PFKP: variants seen among roughly 807,000 people sequenced by gnomAD.
PFKP encodes ATP-dependent 6-phosphofructokinase, platelet type.
In PFKP, 101 loss-of-function variants were observed where a neutral mutation model predicts 94.3. The ratio of observed to expected loss-of-function variants is 1.07; its 90% CI spans 0.91 to 1.26. The LOEUF (loss-of-function observed/expected upper bound fraction) is 1.26, where lower values mean the gene tolerates loss of function less well. Among genes scored for constraint, PFKP ranks in the 50% most tolerant of loss-of-function variants. The pLI, the probability that PFKP is intolerant of heterozygous loss-of-function variation, is 0.00. For missense variants in PFKP, 1,145 were observed against 1,103.3 expected, an observed-to-expected ratio of 1.04 and a Z score of -0.53; for synonymous variants, 573 against 432.6, an observed-to-expected ratio of 1.32 and a Z score of -4.03.
At chr10:3,132,677 C>G (rs191626116) in intron 18 of PFKP, among the ~76,000 whole-genome samples, 2 of 152,290 alleles carry the variant, frequency 1.3e-5, no homozygotes, top group Admixed American at 1.3e-4. Flanking sequence ...GCAATCATTT[C>G]CCTAATTAGC....
chr10:3,118,009 G>C (rs953738150), intron 14 of PFKP, among the ~76,000 whole-genome samples: 2 of 152,154 alleles, frequency 1.3e-5, no homozygotes, highest in African/African-American at 4.8e-5. Flanking sequence ...GGATGGGCTT[G>C]GGATGGGATC....
intron 18 of PFKP, 139 bp from the exon 19 acceptor site, chr10:3,133,064 C>G: frequency 1.5e-6 from 1 of 685,992 alleles, no homozygotes. Context: ...AAACCGTGAA[C>G]TGGAGGGACT....
At chr10:3,086,155 T>C (rs1267551775) in intron 2 of PFKP, among the ~76,000 whole-genome samples, 1 of 152,194 alleles carries the variant, frequency 6.6e-6, no homozygotes. Context: ...TTTAAATTCA[T>C]GAAGACTTGT....
chr10:3,094,377 G>T (rs1014381635), intron 2 of PFKP, among the ~76,000 whole-genome samples: 1 of 152,250 alleles, frequency 6.6e-6, no homozygotes. Context: ...CCACATGATG[G>T]TGTGTCGTGT....
chr10:3,100,015 G>A (rs76283856), intron 3 of PFKP, among the ~76,000 whole-genome samples: 3,818 of 151,438 alleles, frequency 0.025, 86 homozygotes, highest in Non-Finnish European at 0.036. Flanking sequence ...TCTGTGTGTG[G>A]GGTGTGTGTA....
Position 3,113,142 on chromosome 10 carries a change from C to T in PFKP, c.1178C>T (p.Thr393Ile), listed in dbSNP as rs754839165. 10 of 1,613,300 alleles carry T rather than the reference C, an allele frequency of 6.2e-6. No individual in the cohort carries two copies. The highest frequency in any genetic ancestry group is 1.7e-5 in the Admixed American group (1 of 59,970). The change falls in exon 12 of 22, where the codon ACC (threonine) becomes ATC (isoleucine). Residue 393 changes from threonine (T) to isoleucine (I), a missense_variant. This residue lies in a region of PFKP where 1,119 missense variants were observed against 1,062.8 expected (regional missense o/e 1.05). Transcript: ENST00000381125. ...AGGAGCTTTGCGGGCAACCTGAACA[C>T]CTACAAGCGACTTGCCATCAAGCTG... ...RGRSFAGNLN[T>I]YKRLAIKLPD...
At chr10:3,104,067 A>G in intron 5 of PFKP, 123 bp downstream of exon 5, 1 of 791,306 alleles carries the variant, frequency 1.3e-6, no homozygotes, top group Non-Finnish European at 2.0e-6. Context: ...TCGTAACTTG[A>G]CTTTTAGGAG....
intron 14 of PFKP, among the ~76,000 whole-genome samples, chr10:3,117,872 G>T (rs1836992980): frequency 6.6e-6 from 1 of 152,234 alleles, no homozygotes; most frequent in African/African-American, 2.4e-5. Flanking sequence ...GGCCAGCACA[G>T]GTTTGCACTT....
chr10:3,136,684 C>A lies in PFKP; in HGVS notation c.*105C>A, dbSNP rs1053189352. Reference sequence around the variant, plus strand: ...ATGCACGTATTATTGACATTAATACCTAATCGGCGAGTGCCCATCTGCCCC... The same window carrying A: ...ATGCACGTATTATTGACATTAATACATAATCGGCGAGTGCCCATCTGCCCC... On this transcript the variant is annotated 3_prime_UTR_variant, in exon 22 of 22. Coordinates refer to ENST00000381125, the MANE Select transcript of PFKP (RefSeq NM_002627.5). The A allele has an allele frequency of 7.9e-7, 1 of 1,270,674 alleles. No homozygotes were observed. The highest frequency in any genetic ancestry group is 2.1e-5 in the Admixed American group (1 of 47,994). The allele number at this position is 1,270,674 out of a possible 1,614,324, so 78.7% of individuals were successfully genotyped here.
At chr10:3,080,289 G>A (rs183561592) in intron 1 of PFKP, among the ~76,000 whole-genome samples, 81 of 152,230 alleles carry the variant, frequency 5.3e-4, no homozygotes, top group African/African-American at 1.5e-3. Flanking sequence ...AGGCTGAGGC[G>A]GATGGATCAC....
At chr10:3,100,845 G>A in intron 3 of PFKP, 2 of 699,742 alleles carry the variant, frequency 2.9e-6, no homozygotes, top group Non-Finnish European at 4.9e-6. Context: ...TTTAAAAGGG[G>A]CAGCGAGTAT....
chr10:3,111,288 TTGTG>T (rs956097502), intron 10 of PFKP, among the ~76,000 whole-genome samples: 12 of 151,746 alleles, frequency 7.9e-5, no homozygotes, highest in South Asian at 2.1e-4. Context: ...GTCTGCATGT[TTGTG>T]TGTGCAGGTA....
At chr10:3,092,344 G>C (rs1834111490) in intron 2 of PFKP, among the ~76,000 whole-genome samples, 1 of 152,224 alleles carries the variant, frequency 6.6e-6, no homozygotes, top group Non-Finnish European at 1.5e-5. Context: ...TCTCGTGGAG[G>C]TAGAGAGGAG....
At chr10:3,090,175 G>A (rs1001983009) in intron 2 of PFKP, among the ~76,000 whole-genome samples, 1 of 152,156 alleles carries the variant, frequency 6.6e-6, no homozygotes, top group African/African-American at 2.4e-5. Context: ...GCGTATATAC[G>A]CAATGGAATA....
chr10:3,125,125 A>C, intron 16 of PFKP: 1 of 1,329,050 alleles, frequency 7.5e-7, no homozygotes. Context: ...GACATGGCCG[A>C]GGCACGAGGC....
chr10:3,135,258 C>G (rs1839108206), intron 20 of PFKP, among the ~76,000 whole-genome samples: 1 of 152,122 alleles, frequency 6.6e-6, no homozygotes, highest in South Asian at 2.1e-4. Flanking sequence ...ACCACTATCA[C>G]TGCCAGTGTC....
rs1835958978 is a variant in PFKP at position 3,109,546 on chromosome 10, C to T, written c.1089+66C>T. Reference sequence around the variant, plus strand: ...CTGGGACAGAAGCTGCTTGTCAGGCCAGCCTGGGCACCTTGGGTGTCTCGT... The same window carrying T: ...CTGGGACAGAAGCTGCTTGTCAGGCTAGCCTGGGCACCTTGGGTGTCTCGT... On this transcript the variant is annotated intron_variant, in intron 10 of 21. Coordinates refer to ENST00000381125, the MANE Select transcript of PFKP (RefSeq NM_002627.5). 24 of 1,564,558 alleles carry T rather than the reference C, an allele frequency of 1.5e-5. No individual in the cohort carries two copies. In the South Asian group the frequency reaches 2.8e-4, roughly 18 times the overall value.
intron 4 of PFKP, among the ~76,000 whole-genome samples, chr10:3,102,016 C>T (rs990540738): frequency 6.6e-6 from 1 of 151,914 alleles, no homozygotes; most frequent in African/African-American, 2.4e-5. Flanking sequence ...CTTTGGGAGG[C>T]CGAGGCGGGC....
chr10:3,079,157 G>T (rs1588394951), intron 1 of PFKP, among the ~76,000 whole-genome samples: 1 of 152,158 alleles, frequency 6.6e-6, no homozygotes, highest in East Asian at 1.9e-4. Context: ...ATCCAGCAGG[G>T]ACTTCAGCGA....
Sources: allele counts gnomAD v4.1 joint callset (sites outside exome capture counted in the v4.1 genomes callset), GRCh38; gene constraint gnomAD v4.1.1; regional missense constraint gnomAD v4.1.1; transcripts MANE v1.5; gene names NCBI Gene and HGNC (gene_info 2026-07-23, HGNC 2026-07-21).